The following WNK3 variants were observed in gnomAD, a reference collection of about 807,000 sequenced individuals.
WNK3 encodes WNK lysine deficient protein kinase 3, also known as serine/threonine-protein kinase WNK3.
Under a neutral mutation model 116.7 loss-of-function variants are expected in WNK3, and 18 were observed. That is an observed-to-expected ratio of 0.15 (90% CI 0.11 to 0.23). WNK3 has a LOEUF of 0.23. WNK3 is among the 10% of genes least tolerant of loss of function. The probability of loss-of-function intolerance (pLI) is 1.00; values close to 1 mark genes in which losing one functional copy is unlikely to be tolerated. For synonymous variants in WNK3, 404 were observed against 469.4 expected, an observed-to-expected ratio of 0.86 and a Z score of 1.80; for missense variants, 993 against 1,323.8, an observed-to-expected ratio of 0.75 and a Z score of 3.88.
At chrX:54,358,066 G>T (rs1342919347), upstream of WNK3, 16 of 111,043 alleles carry the variant, frequency 1.4e-4, no homozygotes, top group Admixed American at 7.6e-4. Context: ...GCGGAGGGGG[G>T]GCGGGGAAGG....
chrX:54,215,840 A>G (rs1340959533), intron 22 of WNK3, among the ~76,000 whole-genome samples: 2 of 111,740 alleles, frequency 1.8e-5, no homozygotes, highest in African/African-American at 6.5e-5. Flanking sequence ...TCGACTAGAA[A>G]AGGGGGAAAT....
intron 2 of WNK3, among the ~76,000 whole-genome samples, chrX:54,316,827 C>T (rs2068963219): frequency 9.0e-6 from 1 of 111,188 alleles, no homozygotes; most frequent in Non-Finnish European, 1.9e-5. Context: ...ATGGAGAAAC[C>T]TTGTACATTG....
intron 17 of WNK3, among the ~76,000 whole-genome samples, chrX:54,242,390 C>G (rs1415050888): frequency 1.8e-5 from 2 of 111,663 alleles, no homozygotes; most frequent in African/African-American, 6.5e-5. Flanking sequence ...CTATCAAAAC[C>G]CCAATGGCCT....
intron 22 of WNK3, among the ~76,000 whole-genome samples, chrX:54,217,497 C>T (rs1557145653): frequency 9.2e-6 from 1 of 108,558 alleles, no homozygotes; most frequent in Non-Finnish European, 1.9e-5. Context: ...TGGCGTGTGC[C>T]TGTGGTCCCA....
At chrX:54,199,937 C>G (rs2067485426) in intron 23 of WNK3, among the ~76,000 whole-genome samples, 2 of 112,545 alleles carry the variant, frequency 1.8e-5, no homozygotes, top group African/African-American at 3.2e-5. Flanking sequence ...GCACTAACTC[C>G]TCTTTGCTCT....
At chrX:54,289,181 C>A (rs2068611742) in intron 10 of WNK3, among the ~76,000 whole-genome samples, 1 of 110,962 alleles carries the variant, frequency 9.0e-6, no homozygotes, top group African/African-American at 3.3e-5. Context: ...GGCTGTACTG[C>A]AGCTGGGACT....
At chrX:54,208,947 G>C (rs1449998467) in intron 22 of WNK3, among the ~76,000 whole-genome samples, 1 of 111,719 alleles carries the variant, frequency 9.0e-6, no homozygotes, top group Non-Finnish European at 1.9e-5. Flanking sequence ...GCCCATTAGA[G>C]ACTTAGTGAC....
chrX:54,270,829 G>A (rs2068375000), intron 10 of WNK3, among the ~76,000 whole-genome samples: 1 of 111,262 alleles, frequency 9.0e-6, no homozygotes, highest in Non-Finnish European at 1.9e-5. Context: ...GAGAACATGC[G>A]GTGTTTGGTG....
intron 10 of WNK3, among the ~76,000 whole-genome samples, chrX:54,290,438 T>C (rs1254413767): frequency 1.8e-5 from 2 of 111,773 alleles, no homozygotes; most frequent in Non-Finnish European, 3.8e-5. Context: ...TTAATGGGAC[T>C]TTCCCGGACA....
At chrX:54,214,764 G>A (rs1198180816) in intron 22 of WNK3, among the ~76,000 whole-genome samples, 2 of 111,273 alleles carry the variant, frequency 1.8e-5, no homozygotes, top group South Asian at 3.8e-4. Flanking sequence ...TGTAATCCCA[G>A]CACTTTGGGA....
At chrX:54,333,317 A>G in exon 2 of WNK3, 1 of 1,210,789 alleles carries the variant, frequency 8.3e-7, no homozygotes, top group Non-Finnish European at 1.1e-6. Flanking sequence ...CCTTGAAACA[A>G]TCTTTTGAGA....
At chrX:54,245,543 A>G (rs1296674737) in intron 17 of WNK3, among the ~76,000 whole-genome samples, 1 of 109,810 alleles carries the variant, frequency 9.1e-6, no homozygotes, top group Admixed American at 9.8e-5. Context: ...ACATACACAC[A>G]CCTCATCATA....
At position 54,207,884 on chromosome X, in the gene WNK3, T is replaced by G. The variant is rs183451018; in HGVS notation, c.4871-5691A>C. On this transcript the variant is annotated intron_variant, in intron 22 of 23. Coordinates refer to ENST00000354646, the Ensembl canonical transcript of WNK3. ...GTGAAGCATTCTCAGACCACTATCA[T>G]CATTCATTCCCCTCAACCCACTACA... 2.9e-4 allele frequency among the ~76,000 whole-genome samples: 32 copies of G among 110,653 alleles called. 1 individual carries two copies. The highest frequency in any genetic ancestry group is 1.0e-3 in the African/African-American group (32 of 30,516).
intron 5 of WNK3, 98 bp from the exon 6 acceptor site, chrX:54,301,957 C>G: frequency 1.6e-6 from 1 of 606,294 alleles, no homozygotes; most frequent in Non-Finnish European, 2.6e-6. Context: ...AAACCATAGT[C>G]AAGTTTTAAA....
Position 54,237,560 on chromosome X carries a change from T to C in WNK3, c.4015-9A>G, listed in dbSNP as rs370771717. On this transcript the variant is annotated splice_polypyrimidine_tract_variant and intron_variant, in intron 19 of 23. Transcript: ENST00000354646. ...TGAGGAATTGTAATCACCTGAGATA[T>C]AAAAACGTAAAAGTGGTTAGCATAG... 33 of 1,148,754 alleles carry C rather than the reference T, an allele frequency of 2.9e-5. No individual in the cohort carries two copies. Among genetic ancestry groups the C allele is most frequent in the Non-Finnish European group, 3.7e-5 (32 of 876,047 alleles). The allele number at this position is 1,148,754 out of a possible 1,213,427, so 94.7% of individuals were successfully genotyped here.
rs148695296 is a variant in WNK3, at chrX:54,244,767, C to T, written c.3651+3930G>A. ...ACATAATTGATTATTCTCCTACCTG[C>T]TCCTTTTCTCTTGCAACATGTGGAT... On this transcript the variant is annotated intron_variant, in intron 17 of 23. Transcript: ENST00000354646. Among the ~76,000 whole-genome samples the T allele has an allele frequency of 3.2e-4, 36 of 111,388 alleles. No homozygotes were observed. The East Asian group carries it at 9.0e-3, about 28-fold the overall frequency.
chrX:54,357,156 T>C (rs782648351), intron 1 of WNK3, among the ~76,000 whole-genome samples: 14 of 110,341 alleles, frequency 1.3e-4, no homozygotes, highest in Middle Eastern at 4.6e-3. Flanking sequence ...TCCTTCATCC[T>C]ATTCCCATCA....
At chrX:54,327,609 T>C (rs1263038526) in intron 2 of WNK3, among the ~76,000 whole-genome samples, 1 of 111,379 alleles carries the variant, frequency 9.0e-6, no homozygotes, top group East Asian at 2.8e-4. Flanking sequence ...TCCCAGCTAC[T>C]TGGTTGGCCA....
intron 22 of WNK3, 67 bp from the exon 23 acceptor site, chrX:54,202,260 T>C: frequency 9.6e-7 from 1 of 1,042,248 alleles, no homozygotes; most frequent in Middle Eastern, 2.6e-4. Context: ...ATCAGATAAC[T>C]CTTTGGCCAA....
Sources: allele counts gnomAD v4.1 joint callset (sites outside exome capture counted in the v4.1 genomes callset), GRCh38; gene constraint gnomAD v4.1.1; transcripts MANE v1.5; gene names NCBI Gene and HGNC (gene_info 2026-07-23, HGNC 2026-07-21).